The following SIMC1 variants were observed in gnomAD, a reference collection of about 807,000 sequenced individuals.
The protein encoded by SIMC1 is SUMO interacting motifs containing 1, also known as SUMO-interacting motif-containing protein 1.
In SIMC1, 55 loss-of-function variants were observed where a neutral mutation model predicts 82.3. The observed-to-expected ratio is 0.67, with a 90% CI of 0.54 to 0.84. The LOEUF is 0.84. SIMC1 is among the 40% of genes least tolerant of loss of function. SIMC1 has a pLI of 0.00. For synonymous variants in SIMC1, 353 were observed against 426.3 expected (o/e 0.83, Z 2.12); for missense variants, 915 against 1,107.2 (o/e 0.83, Z 2.46).
At chr5:176,242,279 TAATG>T (rs1362718299) in intron 1 of SIMC1, among the ~76,000 whole-genome samples, 4 of 151,758 alleles carry the variant, frequency 2.6e-5, no homozygotes, top group South Asian at 2.1e-4. Flanking sequence ...AAGAAAAAAA[TAATG>T]AATTTAAAAA....
intron 2 of SIMC1, among the ~76,000 whole-genome samples, chr5:176,292,629 C>T (rs1397246679): frequency 6.6e-6 from 1 of 152,136 alleles, no homozygotes; most frequent in Non-Finnish European, 1.5e-5. Flanking sequence ...ACTGCAACCT[C>T]CGCCTCCCAG....
chr5:176,324,013 AAC>A (rs1765272740), intron 6 of SIMC1, among the ~76,000 whole-genome samples: 1 of 151,520 alleles, frequency 6.6e-6, no homozygotes, highest in African/African-American at 2.4e-5. Context: ...AAAAAAAAAA[AAC>A]ACGTGTTAGA....
Position 176,345,467 on chromosome 5 carries a change from C to T in SIMC1, c.*22C>T. ...CTGAGGGCCTGCCAAGCACTGAATG[C>T]CAAGAATACCTCCTGAACTCTCTCT... On this transcript the variant is annotated 3_prime_UTR_variant, in exon 10 of 10. Coordinates refer to ENST00000429602, the MANE Select transcript of SIMC1 (RefSeq NM_001308195.2). The T allele has an allele frequency of 4.4e-6, 7 of 1,597,652 alleles. No homozygotes were observed. Among genetic ancestry groups the T allele is most frequent in the African/African-American group, 2.7e-5 (2 of 74,162 alleles).
chr5:176,307,748 A>G (rs762990733), intron 4 of SIMC1, among the ~76,000 whole-genome samples: 2 of 152,214 alleles, frequency 1.3e-5, no homozygotes, highest in African/African-American at 2.4e-5. Context: ...GACAATAATA[A>G]ACATTGCCAA....
intron 3 of SIMC1, 94 bp from the exon 4 acceptor site, chr5:176,296,157 A>G (rs1763804749): frequency 6.3e-7 from 1 of 1,594,672 alleles, no homozygotes; most frequent in Non-Finnish European, 8.6e-7. Context: ...ATAATGGAGG[A>G]TAGGAAGAGG....
chr5:176,269,003 T>C (rs1245476319), intron 1 of SIMC1, among the ~76,000 whole-genome samples: 1 of 152,102 alleles, frequency 6.6e-6, no homozygotes, highest in Non-Finnish European at 1.5e-5. Context: ...TTGAACCACA[T>C]GATAATAAAA....
At chr5:176,311,543 C>A in intron 4 of SIMC1, among the ~76,000 whole-genome samples, 1 of 150,448 alleles carries the variant, frequency 6.6e-6, no homozygotes. Flanking sequence ...ATGCCCAGCC[C>A]ACATTATTTA....
At chr5:176,258,078 A>T (rs1761905501) in intron 1 of SIMC1, among the ~76,000 whole-genome samples, 1 of 152,212 alleles carries the variant, frequency 6.6e-6, no homozygotes, top group Admixed American at 6.5e-5. Context: ...CTTTCATTTT[A>T]TGAGATTTGC....
intron 7 of SIMC1, among the ~76,000 whole-genome samples, chr5:176,331,744 G>A (rs1402510854): frequency 2.0e-5 from 3 of 151,960 alleles, no homozygotes; most frequent in East Asian, 1.9e-4. Flanking sequence ...CAAGGTGGGC[G>A]AATCAGCTGA....
chr5:176,344,871 T>C (rs1480989108), intron 9 of SIMC1, among the ~76,000 whole-genome samples: 1 of 152,228 alleles, frequency 6.6e-6, no homozygotes, highest in Non-Finnish European at 1.5e-5. Flanking sequence ...GGCTAAAACA[T>C]GGACTAGATG....
At chr5:176,308,973 A>C (rs1488748467) in intron 4 of SIMC1, 3 of 920,566 alleles carry the variant, frequency 3.3e-6, no homozygotes, top group Non-Finnish European at 5.5e-6. Flanking sequence ...TTGCAACAAG[A>C]AAAGGAAGAG....
At chr5:176,316,513 CAAA>C (rs60873841) in intron 5 of SIMC1, among the ~76,000 whole-genome samples, 7 of 122,614 alleles carry the variant, frequency 5.7e-5, no homozygotes, top group Admixed American at 8.5e-5. Flanking sequence ...CTAAAAAATA[CAAA>C]AAAAAAAAAA....
In SIMC1 at chr5:176,240,621, A is replaced by T. The variant is rs1481832248; in HGVS notation, c.129+1984A>T. ...TTATTCTCGTTTTATCTTTTTTGCA[A>T]ATTAGATAAGAGTGGTATGATAACC... On this transcript the variant is annotated intron_variant, in intron 1 of 9. Coordinates refer to ENST00000429602, the MANE Select transcript of SIMC1 (RefSeq NM_001308195.2). 2.1e-5 allele frequency among the ~76,000 whole-genome samples: 2 copies of T among 93,578 alleles called. 1 individual carries two copies. The highest frequency in any genetic ancestry group is 2.0e-4 in the Admixed American group (2 of 9,954). 61.4% of individuals were successfully genotyped at this position (93,578 alleles called of 152,430 possible). A position where few individuals can be genotyped will look rare whatever the true frequency, so the allele number is the denominator to read the frequency against.
At chr5:176,266,052 A>G (rs888387019) in intron 1 of SIMC1, among the ~76,000 whole-genome samples, 4 of 152,192 alleles carry the variant, frequency 2.6e-5, no homozygotes, top group Non-Finnish European at 4.4e-5. Flanking sequence ...AGAGCAATGC[A>G]GTTGGATTCT....
Position 176,335,780 on chromosome 5 carries a change from C to CT in SIMC1, c.2172-940_2172-939insT, listed in dbSNP as rs140667625. Reference sequence around the variant, plus strand: ...TACTATGGCCAGACACAGTGGCTCACGCCTGTAATCCCAACACTTTGGGAG... The same window carrying CT: ...TACTATGGCCAGACACAGTGGCTCACTGCCTGTAATCCCAACACTTTGGGAG... On this transcript the variant is annotated intron_variant, in intron 7 of 9. Transcript: ENST00000429602. 3.7e-3 allele frequency among the ~76,000 whole-genome samples: 558 copies of CT among 152,158 alleles called. 3 individuals are homozygous for CT. The highest frequency in any genetic ancestry group is 0.013 in the African/African-American group (531 of 41,512).
Position 176,295,286 on chromosome 5 carries a change from T to C in SIMC1, c.1664+24T>C, listed in dbSNP as rs542539925. The C allele has an allele frequency of 2.5e-6, 4 of 1,586,672 alleles. No homozygotes were observed. In the East Asian group the frequency reaches 6.8e-5, roughly 27 times the overall value. ...CAGTATGAACCGTAACCTCTGGCTG[T>C]TGGCGAATCTTCTAGGGATCTTGGA... On this transcript the variant is annotated intron_variant, in intron 3 of 9. Coordinates refer to ENST00000429602, the MANE Select transcript of SIMC1 (RefSeq NM_001308195.2).
intron 1 of SIMC1, among the ~76,000 whole-genome samples, chr5:176,246,815 T>C (rs1049499288): frequency 3.3e-5 from 5 of 151,794 alleles, no homozygotes. Context: ...TGTGTCCATG[T>C]GTTCTCATTG....
Position 176,289,894 on chromosome 5 carries a change from A to G in SIMC1, c.370A>G (p.Ile124Val). 1 of 1,613,880 alleles carries G rather than the reference A, an allele frequency of 6.2e-7. No individual in the cohort carries two copies. Residue 124 changes from isoleucine to valine, a missense_variant, in exon 2 of 10, where the codon ATC becomes GTC. Ile to Val is a conservative substitution (Grantham distance 29). This residue lies in a region of SIMC1 where 902 missense variants were observed against 1,040.3 expected (regional missense o/e 0.87). Coordinates refer to ENST00000429602, the MANE Select transcript of SIMC1 (RefSeq NM_001308195.2). ...DRSSQPTARR[I>V]INSDPVDLDL... ...AAGCTCTCAGCCTACAGCACGGAGA[A>G]TCATTAACAGTGATCCTGTAGATTT...
rs1287079615 is a variant in SIMC1 at position 176,317,613 on chromosome 5, T to C, written c.1889+3768T>C. Among the ~76,000 whole-genome samples the C allele has an allele frequency of 2.6e-5, 4 of 152,202 alleles. 1 individual carries two copies. In the East Asian group the frequency reaches 7.7e-4, roughly 29 times the overall value. On this transcript the variant is annotated intron_variant, in intron 5 of 9. Coordinates refer to ENST00000429602, the MANE Select transcript of SIMC1 (RefSeq NM_001308195.2). ...TTTGCCAGCCTCTATATCATTAATA[T>C]ATTATAATTTTTATATCAGTGTTCA...
Sources: allele counts gnomAD v4.1 joint callset (sites outside exome capture counted in the v4.1 genomes callset), GRCh38; gene constraint gnomAD v4.1.1; regional missense constraint gnomAD v4.1.1; transcripts MANE v1.5; gene names NCBI Gene and HGNC (gene_info 2026-07-23, HGNC 2026-07-21).